KAT2B: variants seen among roughly 807,000 people sequenced by gnomAD.
The protein encoded by KAT2B is histone acetyltransferase KAT2B.
A neutral mutation model predicts 105.9 loss-of-function variants in KAT2B; 36 were observed. The observed-to-expected ratio is 0.34, with a 90% CI of 0.26 to 0.45. The LOEUF is 0.45. KAT2B is among the 20% of genes least tolerant of loss of function. The probability of loss-of-function intolerance (pLI) is 1.00; values close to 1 mark genes in which losing one functional copy is unlikely to be tolerated. For synonymous variants in KAT2B, 397 were observed against 377.9 expected (o/e 1.05, Z -0.59); for missense variants, 820 against 1,021.6 (o/e 0.80, Z 2.69).
chr3:20,053,640 G>A (rs560768363), intron 1 of KAT2B, among the ~76,000 whole-genome samples: 1 of 152,130 alleles, frequency 6.6e-6, no homozygotes, highest in Non-Finnish European at 1.5e-5. Flanking sequence ...TATTCTAGAA[G>A]TCTGTATTAT....
At chr3:20,081,708 T>A (rs1302390347) in intron 2 of KAT2B, among the ~76,000 whole-genome samples, 3 of 152,096 alleles carry the variant, frequency 2.0e-5, no homozygotes, top group African/African-American at 7.2e-5. Context: ...AAAAGCAGGA[T>A]TCTTTAATGA....
chr3:20,134,881 TA>T (rs1445729244), intron 11 of KAT2B, among the ~76,000 whole-genome samples: 1 of 152,258 alleles, frequency 6.6e-6, no homozygotes, highest in Non-Finnish European at 1.5e-5. Context: ...GACTTTTTTT[TA>T]CTTAATATGT....
rs558851838 is a variant in KAT2B at position 20,093,815 on chromosome 3, G to A, written c.431-1448G>A. Reference sequence around the variant, plus strand: ...TTCTTGAGGTGCCGCCTCCTGTTATGTGGCAAACGTAGTAATAGATGTTGG... The same window carrying A: ...TTCTTGAGGTGCCGCCTCCTGTTATATGGCAAACGTAGTAATAGATGTTGG... On this transcript the variant is annotated intron_variant, in intron 2 of 17. Coordinates refer to ENST00000263754, the MANE Select transcript of KAT2B (RefSeq NM_003884.5). Among the ~76,000 whole-genome samples, 7 of 152,294 alleles carry A rather than the reference G, an allele frequency of 4.6e-5. No individual in the cohort carries two copies. In the South Asian group the frequency reaches 1.2e-3, roughly 27 times the overall value.
intron 2 of KAT2B, among the ~76,000 whole-genome samples, chr3:20,088,174 T>C (rs897468218): frequency 2.0e-5 from 3 of 152,192 alleles, no homozygotes; most frequent in Non-Finnish European, 2.9e-5. Context: ...TTAGGTAAAT[T>C]CCATATTTTG....
intron 2 of KAT2B, among the ~76,000 whole-genome samples, chr3:20,083,221 A>G (rs1017475171): frequency 6.6e-6 from 1 of 150,706 alleles, no homozygotes; most frequent in African/African-American, 2.5e-5. Flanking sequence ...AGATTTGTGC[A>G]TTGTAGTTTA....
rs1358066901 is a variant in KAT2B, at chr3:20,147,827, C to T, written c.2120-136C>T. The T allele has an allele frequency of 4.1e-6, 3 of 723,648 alleles. No individual in the cohort carries two copies. The African/African-American group carries it at 5.4e-5, about 13-fold the overall frequency. 44.8% of individuals were successfully genotyped at this position (723,648 alleles called of 1,614,324 possible). A position where few individuals can be genotyped will look rare whatever the true frequency, so the allele number is the denominator to read the frequency against. On this transcript the variant is annotated intron_variant, in intron 14 of 17. Transcript: ENST00000263754. ...GTGGTATAAGGAAGTAACTAATTGC[C>T]ATTAATTTCAGTCGTCTCTCAGAAG...
chr3:20,040,830 C>T (rs1186184686), intron 1 of KAT2B, 50 bp downstream of exon 1: 1 of 1,520,370 alleles, frequency 6.6e-7, no homozygotes, highest in African/African-American at 1.4e-5. Flanking sequence ...GGGCCCAGCC[C>T]GCGGGACCCC....
chr3:20,135,501 A>G (rs575487562), intron 11 of KAT2B, among the ~76,000 whole-genome samples: 44 of 152,214 alleles, frequency 2.9e-4, no homozygotes, highest in African/African-American at 6.7e-4. Flanking sequence ...AAAAATACAA[A>G]AAATTAGCCA....
intron 13 of KAT2B, among the ~76,000 whole-genome samples, chr3:20,144,289 T>C (rs75914618): frequency 1.6e-5 from 1 of 62,996 alleles, no homozygotes; most frequent in Non-Finnish European, 3.0e-5. Flanking sequence ...TTTTTTTTTT[T>C]TTTTTTTTTT....
At chr3:20,116,183 T>G (rs12631457) in intron 7 of KAT2B, among the ~76,000 whole-genome samples, 16,513 of 152,130 alleles carry the variant, frequency 0.11, 1,285 homozygotes, top group East Asian at 0.42. Flanking sequence ...TCTTCTACAG[T>G]TGAGCAGTTA....
rs769054500 is a variant in KAT2B at position 20,040,677 on chromosome 3, C to T, written c.200C>T (p.Pro67Leu). 1.8e-5 allele frequency: 28 copies of T among 1,561,536 alleles called. No individual in the cohort carries two copies. Among genetic ancestry groups the T allele is most frequent in the Non-Finnish European group, 2.3e-5 (27 of 1,159,602 alleles). ...AVAAAGTAEG[P>L]GGGGSARIAV... is the part of the protein sequence containing the mutation. ...GCTGCAGCGGGCACGGCCGAAGGACCGGGAGGCGGTGGCTCGGCCCGAATC... is the reference window on the plus strand; with the variant it reads ...GCTGCAGCGGGCACGGCCGAAGGACTGGGAGGCGGTGGCTCGGCCCGAATC... Residue 67 changes from proline to leucine, a missense_variant, in exon 1 of 18, where the codon CCG (proline) becomes CTG (leucine). Physicochemically the swap from Pro to Leu is moderately conservative, Grantham distance 98. Coordinates refer to ENST00000263754, the MANE Select transcript of KAT2B (RefSeq NM_003884.5).
At chr3:20,071,926 T>G (rs532958771) in intron 1 of KAT2B, among the ~76,000 whole-genome samples, 1 of 152,288 alleles carries the variant, frequency 6.6e-6, no homozygotes, top group African/African-American at 2.4e-5. Context: ...AGCTGGTGCC[T>G]TGGAACCTGC....
intron 1 of KAT2B, among the ~76,000 whole-genome samples, chr3:20,055,112 CTG>C (rs1697983783): frequency 6.6e-6 from 1 of 151,994 alleles, no homozygotes; most frequent in African/African-American, 2.4e-5. Flanking sequence ...AGAAGCAAAA[CTG>C]TTGTGAGCCA....
chr3:20,106,464 C>G (rs936102005), intron 5 of KAT2B, among the ~76,000 whole-genome samples: 2 of 150,294 alleles, frequency 1.3e-5, no homozygotes, highest in African/African-American at 4.9e-5. Context: ...CACACACACA[C>G]ATTCTGTCTC....
intron 2 of KAT2B, among the ~76,000 whole-genome samples, chr3:20,094,997 A>G (rs938303230): frequency 6.6e-6 from 1 of 152,182 alleles, no homozygotes; most frequent in African/African-American, 2.4e-5. Flanking sequence ...GATTCTTAAA[A>G]TATACATTAT....
intron 5 of KAT2B, among the ~76,000 whole-genome samples, chr3:20,103,260 C>G (rs998568422): frequency 2.0e-5 from 3 of 152,124 alleles, no homozygotes; most frequent in African/African-American, 7.2e-5. Flanking sequence ...TTAATCCCGT[C>G]TGTGAACAAT....
chr3:20,080,092 C>T (rs575634021), intron 2 of KAT2B, among the ~76,000 whole-genome samples: 27 of 152,144 alleles, frequency 1.8e-4, no homozygotes, highest in Non-Finnish European at 3.4e-4. Context: ...TATTTCCATT[C>T]CTGCATACCT....
intron 2 of KAT2B, among the ~76,000 whole-genome samples, chr3:20,085,887 T>A (rs2125190102): frequency 6.6e-6 from 1 of 152,340 alleles, no homozygotes; most frequent in South Asian, 2.1e-4. Flanking sequence ...TTCTATTTGA[T>A]AATGTAATAA....
intron 5 of KAT2B, among the ~76,000 whole-genome samples, chr3:20,103,281 G>GA (rs1403890433): frequency 6.6e-6 from 1 of 152,140 alleles, no homozygotes; most frequent in African/African-American, 2.4e-5. Flanking sequence ...TGACAAAGCT[G>GA]AATATTTGTC....
Sources: allele counts gnomAD v4.1 joint callset (sites outside exome capture counted in the v4.1 genomes callset), GRCh38; gene constraint gnomAD v4.1.1; transcripts MANE v1.5; gene names NCBI Gene and HGNC (gene_info 2026-07-23, HGNC 2026-07-21).